MAST4: variants seen among roughly 807,000 people sequenced by gnomAD.
MAST4 encodes the protein microtubule-associated serine/threonine-protein kinase 4.
A neutral mutation model predicts 162.7 loss-of-function variants in MAST4; 89 were observed. The ratio of observed to expected loss-of-function variants is 0.55; its 90% CI spans 0.46 to 0.65. The LOEUF (loss-of-function observed/expected upper bound fraction) is 0.65, where lower values mean the gene tolerates loss of function less well. MAST4 is among the 30% of genes least tolerant of loss of function. The pLI is 0.00. For missense variants in MAST4, 3,153 were observed against 3,374.0 expected (o/e 0.93, Z 1.62); for synonymous variants, 1,479 against 1,361.1 (o/e 1.09, Z -1.91).
intron 1 of MAST4, among the ~76,000 whole-genome samples, chr5:66,646,098 A>G (rs900708110): frequency 6.6e-6 from 1 of 152,168 alleles, no homozygotes; most frequent in African/African-American, 2.4e-5. Context: ...ACAATGAGAT[A>G]TTTTTGTAGT....
intron 3 of MAST4, among the ~76,000 whole-genome samples, chr5:66,802,627 C>G (rs900416071): frequency 1.2e-4 from 18 of 152,024 alleles, no homozygotes; most frequent in African/African-American, 4.1e-4. Flanking sequence ...CTATTTTTTT[C>G]TATTGAGAGT....
chr5:66,676,956 TA>T (rs920432772), intron 1 of MAST4, among the ~76,000 whole-genome samples: 3 of 152,210 alleles, frequency 2.0e-5, no homozygotes, highest in African/African-American at 4.8e-5. Flanking sequence ...GGAGTTGGGC[TA>T]AAGGGTTTAT....
chr5:66,743,314 G>C (rs1341763358), intron 1 of MAST4, among the ~76,000 whole-genome samples: 1 of 152,120 alleles, frequency 6.6e-6, no homozygotes, highest in Admixed American at 6.5e-5. Flanking sequence ...CCCTTGAGAG[G>C]TTGGCAGGTT....
chr5:66,873,932 T>C (rs1162545821), intron 3 of MAST4, among the ~76,000 whole-genome samples: 2 of 152,118 alleles, frequency 1.3e-5, no homozygotes, highest in East Asian at 3.9e-4. Context: ...TTTAAAGCTA[T>C]AGGGAAAATA....
At chr5:66,891,338 C>A (rs1012860877) in intron 3 of MAST4, among the ~76,000 whole-genome samples, 3 of 152,138 alleles carry the variant, frequency 2.0e-5, no homozygotes, top group African/African-American at 7.2e-5. Flanking sequence ...TGCCCCTCCT[C>A]CTCCTCCTCA....
rs1774325111 is a variant in MAST4 at position 67,168,843 on chromosome 5, C to T, written c.*1792C>T. The T allele has an allele frequency of 1.3e-5, 2 of 152,014 alleles. No homozygotes were observed. The highest frequency in any genetic ancestry group is 6.9e-3 in the Middle Eastern group (2 of 290). The allele number at this position is 152,014 out of a possible 1,614,324, so 9.4% of individuals were successfully genotyped here. On this transcript the variant is annotated 3_prime_UTR_variant, in exon 29 of 29. Coordinates refer to ENST00000403625, the MANE Select transcript of MAST4 (RefSeq NM_001164664.2). ...TCTGAAAACAAAGGCATAACTTAAC[C>T]GACTGCTCAGTTGTCCTTCGTTGTA...
chr5:67,160,427 C>G (rs1257550378), intron 26 of MAST4, 29 bp from the exon 27 acceptor site: 2 of 1,591,814 alleles, frequency 1.3e-6, no homozygotes, highest in Non-Finnish European at 1.7e-6. Flanking sequence ...ACAGCATTTC[C>G]CTTTAATGCC....
At chr5:66,786,142 T>G (rs1017151573) in intron 2 of MAST4, among the ~76,000 whole-genome samples, 3 of 152,220 alleles carry the variant, frequency 2.0e-5, no homozygotes, top group African/African-American at 7.2e-5. Flanking sequence ...GTGTTGGTAT[T>G]ACAGGCGTGA....
intron 3 of MAST4, among the ~76,000 whole-genome samples, chr5:66,790,471 A>G (rs1035958003): frequency 2.6e-5 from 4 of 152,240 alleles, no homozygotes; most frequent in Non-Finnish European, 4.4e-5. Flanking sequence ...AGGATAGTTT[A>G]TGACTTCAAA....
chr5:67,167,582 A>G lies in MAST4; in HGVS notation c.*531A>G, dbSNP rs1370429054. On this transcript the variant is annotated 3_prime_UTR_variant, in exon 29 of 29. Transcript: ENST00000403625. ...GACTATTTCAAGGTTCCATTTTTATAAGCTAAAACATTCTAAGTTAAGATG... is the reference window on the plus strand; with the variant it reads ...GACTATTTCAAGGTTCCATTTTTATGAGCTAAAACATTCTAAGTTAAGATG... 6.6e-6 allele frequency: 1 copy of G among 152,244 alleles called. No individual in the cohort carries two copies. The highest frequency in any genetic ancestry group is 2.4e-5 in the African/African-American group (1 of 41,456). 9.4% of individuals were successfully genotyped at this position (152,244 alleles called of 1,614,324 possible). A position where few individuals can be genotyped will look rare whatever the true frequency, so the allele number is the denominator to read the frequency against.
chr5:67,000,448 C>A (rs1052521240), intron 4 of MAST4, among the ~76,000 whole-genome samples: 13 of 152,146 alleles, frequency 8.5e-5, no homozygotes, highest in African/African-American at 3.1e-4. Flanking sequence ...TGGAGAAAAC[C>A]CCTTCTTAAA....
chr5:66,856,580 T>A (rs1303956447), intron 3 of MAST4, among the ~76,000 whole-genome samples: 1 of 152,268 alleles, frequency 6.6e-6, no homozygotes, highest in Non-Finnish European at 1.5e-5. Flanking sequence ...TCAATGTCAG[T>A]GCTGTCTGGA....
intron 3 of MAST4, among the ~76,000 whole-genome samples, chr5:66,800,756 C>A (rs1237189905): frequency 1.3e-5 from 2 of 152,112 alleles, no homozygotes; most frequent in African/African-American, 4.8e-5. Context: ...CAACTCATTT[C>A]TTTTCATTCT....
rs1751808303 is a variant in MAST4, at chr5:66,730,885, G to C, written c.364-28824G>C. ...CCTCCCCCAAAAAAAATAGGGAAAAGAGTACTTTACACAAATGTTGGAAAA... is the reference window on the plus strand; with the variant it reads ...CCTCCCCCAAAAAAAATAGGGAAAACAGTACTTTACACAAATGTTGGAAAA... On this transcript the variant is annotated intron_variant, in intron 1 of 28. Coordinates refer to ENST00000403625, the MANE Select transcript of MAST4 (RefSeq NM_001164664.2). Among the ~76,000 whole-genome samples the C allele has an allele frequency of 2.0e-5, 3 of 151,914 alleles. No individual in the cohort carries two copies. The South Asian group carries it at 6.2e-4, about 32-fold the overall frequency.
intron 2 of MAST4, 63 bp from the exon 3 acceptor site, chr5:66,788,607 C>CCCACCCAA: frequency 1.5e-6 from 2 of 1,373,726 alleles, no homozygotes; most frequent in Non-Finnish European, 2.0e-6. Flanking sequence ...CCCCCACCCC[C>CCCACCCAA]ATTGCAATAA....
intron 3 of MAST4, among the ~76,000 whole-genome samples, chr5:66,816,645 C>T (rs1194744897): frequency 1.3e-5 from 2 of 152,036 alleles, no homozygotes; most frequent in African/African-American, 2.4e-5. Flanking sequence ...GGAGCCAGGC[C>T]CACTGTACCC....
intron 1 of MAST4, among the ~76,000 whole-genome samples, chr5:66,743,222 A>G (rs979065922): frequency 6.6e-6 from 1 of 151,644 alleles, no homozygotes; most frequent in African/African-American, 2.4e-5. Flanking sequence ...TGTTTTTCTC[A>G]TTGCATTTCC....
chr5:66,912,071 A>G (rs1409321240), intron 4 of MAST4, among the ~76,000 whole-genome samples: 1 of 152,060 alleles, frequency 6.6e-6, no homozygotes, highest in Non-Finnish European at 1.5e-5. Flanking sequence ...TATCTTCTAG[A>G]TTTATTTTAT....
At chr5:66,824,851 C>T (rs1017658906) in intron 3 of MAST4, among the ~76,000 whole-genome samples, 1 of 152,108 alleles carries the variant, frequency 6.6e-6, no homozygotes, top group African/African-American at 2.4e-5. Context: ...ACATAGAAAA[C>T]ATACCTGAAA....
Sources: allele counts gnomAD v4.1 joint callset (sites outside exome capture counted in the v4.1 genomes callset), GRCh38; gene constraint gnomAD v4.1.1; transcripts MANE v1.5; gene names NCBI Gene and HGNC (gene_info 2026-07-23, HGNC 2026-07-21).